GTF2E2: variants seen among roughly 807,000 people sequenced by gnomAD.
GTF2E2 encodes transcription initiation factor IIE subunit beta.
A neutral mutation model predicts 40.5 loss-of-function variants in GTF2E2; 21 were observed. That is an observed-to-expected ratio of 0.52 (90% confidence interval 0.37 to 0.75). GTF2E2 has a LOEUF of 0.75. Among genes scored for constraint, GTF2E2 ranks in the 30% least tolerant of loss-of-function variants. The pLI is 0.00. For synonymous variants in GTF2E2, 117 were observed against 121.6 expected (o/e 0.96, Z 0.25); for missense variants, 298 against 338.4 (o/e 0.88, Z 0.94).
At chr8:30,637,058 G>A in intron 2 of GTF2E2, 1 of 400,592 alleles carries the variant, frequency 2.5e-6, no homozygotes, top group East Asian at 7.1e-5. Context: ...AAGTATTACT[G>A]TCCCCTTTTA....
At chr8:30,588,105 CCTGTACA>C (rs1280407530) in intron 6 of GTF2E2, among the ~76,000 whole-genome samples, 2 of 152,098 alleles carry the variant, frequency 1.3e-5, no homozygotes, top group Non-Finnish European at 2.9e-5. Context: ...AGAGGGAACA[CCTGTACA>C]CTGTTGGTGG....
intron 5 of GTF2E2, among the ~76,000 whole-genome samples, chr8:30,610,311 T>C (rs1231689207): frequency 6.6e-6 from 1 of 151,562 alleles, no homozygotes; most frequent in Admixed American, 6.6e-5. Context: ...TTGGGTGTGG[T>C]GGTGTGTGCC....
chr8:30,649,158 T>C (rs1436342625), intron 2 of GTF2E2, among the ~76,000 whole-genome samples: 1 of 152,104 alleles, frequency 6.6e-6, no homozygotes. Flanking sequence ...TAATATATAT[T>C]ATAAGAATGA....
intron 4 of GTF2E2, among the ~76,000 whole-genome samples, chr8:30,612,691 T>G (rs1023286544): frequency 6.6e-6 from 1 of 152,056 alleles, no homozygotes; most frequent in Non-Finnish European, 1.5e-5. Flanking sequence ...GGACTGCAGG[T>G]GCGCACCACC....
intron 6 of GTF2E2, among the ~76,000 whole-genome samples, chr8:30,606,643 C>T (rs1052556891): frequency 6.6e-6 from 1 of 152,158 alleles, no homozygotes; most frequent in Non-Finnish European, 1.5e-5. Context: ...CATCTCCTTC[C>T]TTATTCAATT....
At chr8:30,655,367 T>C (rs1802419672) in intron 1 of GTF2E2, among the ~76,000 whole-genome samples, 1 of 152,188 alleles carries the variant, frequency 6.6e-6, no homozygotes. Context: ...CACACCTCTC[T>C]TCTGAACTCT....
At chr8:30,629,340 G>A (rs1801372593) in intron 3 of GTF2E2, among the ~76,000 whole-genome samples, 1 of 152,088 alleles carries the variant, frequency 6.6e-6, no homozygotes, top group Non-Finnish European at 1.5e-5. Context: ...AAGTAATTCA[G>A]ACAGAAGTTA....
chr8:30,588,434 T>G (rs1434280850), intron 6 of GTF2E2, among the ~76,000 whole-genome samples: 3 of 152,164 alleles, frequency 2.0e-5, no homozygotes, highest in Non-Finnish European at 4.4e-5. Context: ...TGAATAAACC[T>G]GGAGGACATT....
chr8:30,607,295 CCCAATTT>C (rs1829344810), intron 5 of GTF2E2, 145 bp from the exon 6 acceptor site: 4 of 419,030 alleles, frequency 9.5e-6, no homozygotes, highest in Non-Finnish European at 1.3e-5. Flanking sequence ...GTCCACTGGA[CCCAATTT>C]TAGTTTTAGT....
chr8:30,637,046 A>G (rs1185320973), intron 2 of GTF2E2: 6 of 403,476 alleles, frequency 1.5e-5, no homozygotes, highest in Non-Finnish European at 2.9e-5. Flanking sequence ...ATCCAACTTA[A>G]GAAGTATTAC....
intron 6 of GTF2E2, among the ~76,000 whole-genome samples, chr8:30,601,855 A>G (rs1829189868): frequency 6.6e-6 from 1 of 152,238 alleles, no homozygotes; most frequent in African/African-American, 2.4e-5. Flanking sequence ...CACTTAAGGA[A>G]GAGACCAGTT....
At chr8:30,585,946 G>C (rs901048891) in intron 6 of GTF2E2, among the ~76,000 whole-genome samples, 4 of 152,046 alleles carry the variant, frequency 2.6e-5, no homozygotes, top group African/African-American at 9.7e-5. Flanking sequence ...GCCGGGCATG[G>C]TGGTGTTCAC....
chr8:30,615,636 A>G (rs1800899034), intron 3 of GTF2E2, among the ~76,000 whole-genome samples: 1 of 152,194 alleles, frequency 6.6e-6, no homozygotes, highest in Admixed American at 6.5e-5. Context: ...TATCATGCCT[A>G]TCCAAAGAAA....
rs1720820399 is a variant in GTF2E2, at chr8:30,628,126, GTACT to G, written c.258+6902_258+6905del. On this transcript the variant is annotated intron_variant, in intron 3 of 7. Transcript: ENST00000355904. ...AAGAACTAAAACACAAAATTAAACA[GTACT>G]TTCTCCCTCTTTCAACACAAATGTG... is the stretch of plus-strand genomic sequence containing the variant. Among the ~76,000 whole-genome samples the G allele has an allele frequency of 2.6e-5, 4 of 152,168 alleles. No individual in the cohort carries two copies. The South Asian group carries it at 8.3e-4, about 31-fold the overall frequency.
At chr8:30,602,361 A>G (rs1226580515) in intron 6 of GTF2E2, among the ~76,000 whole-genome samples, 2 of 152,138 alleles carry the variant, frequency 1.3e-5, no homozygotes, top group African/African-American at 4.8e-5. Flanking sequence ...TAAAGAATAA[A>G]AATATATTTT....
intron 6 of GTF2E2, among the ~76,000 whole-genome samples, chr8:30,588,377 G>C (rs576500259): frequency 3.7e-4 from 56 of 152,208 alleles, no homozygotes; most frequent in African/African-American, 1.3e-3. Context: ...ACACACAATG[G>C]AATTCTATTA....
At chr8:30,620,693 C>T (rs903867550) in intron 3 of GTF2E2, among the ~76,000 whole-genome samples, 5 of 109,940 alleles carry the variant, frequency 4.5e-5, no homozygotes, top group African/African-American at 1.6e-4. Context: ...GGGAGGCTGA[C>T]GTGGGTGAAT....
chr8:30,645,301 T>C, intron 2 of GTF2E2: 1 of 1,529,044 alleles, frequency 6.5e-7, no homozygotes. Context: ...GCAAGTGGAA[T>C]CTCTAAGAAT....
Position 30,635,101 on chromosome 8 carries a change from G to T in GTF2E2, c.189C>A (p.Asn63Lys). 1.2e-6 allele frequency: 2 copies of T among 1,604,020 alleles called. No homozygotes were observed. Among genetic ancestry groups the T allele is most frequent in the South Asian group, 2.2e-5 (2 of 90,734 alleles). The change falls in exon 3 of 8, where the codon AAC (asparagine) becomes AAA (lysine). Residue 63 changes from asparagine to lysine, a missense_variant. Asn to Lys is a moderately conservative substitution (Grantham distance 94). Coordinates refer to ENST00000355904, the MANE Select transcript of GTF2E2 (RefSeq NM_002095.6). Reference protein sequence around the residue: ...QNSDHSNGSFNLKALSGSSGY... With the variant: ...QNSDHSNGSFKLKALSGSSGY... ...CAGAGCTTCCTGACAAAGCTTTCAA[G>T]TTAAATGATCCATTGCTATGATCTG...
Sources: allele counts gnomAD v4.1 joint callset (sites outside exome capture counted in the v4.1 genomes callset), GRCh38; gene constraint gnomAD v4.1.1; transcripts MANE v1.5; gene names NCBI Gene and HGNC (gene_info 2026-07-23, HGNC 2026-07-21).